The following NINL variants were observed in gnomAD, a reference collection of about 807,000 sequenced individuals.
The protein encoded by NINL is ninein-like protein.
NINL carries 153 observed loss-of-function variants against 160.3 expected under a neutral mutation model. That is an observed-to-expected ratio of 0.95 (90% confidence interval 0.84 to 1.09). The LOEUF is 1.09. Among genes scored for constraint, NINL ranks in the 50% least tolerant of loss-of-function variants. NINL has a pLI of 0.00. For missense variants in NINL, 1,829 were observed against 1,764.0 expected (o/e 1.04, Z -0.66); for synonymous variants, 800 against 734.8 (o/e 1.09, Z -1.43).
intron 1 of NINL, among the ~76,000 whole-genome samples, chr20:25,532,955 C>T (rs954284117): frequency 2.0e-5 from 3 of 152,142 alleles, no homozygotes; most frequent in African/African-American, 7.2e-5. Flanking sequence ...GAAACCCTGG[C>T]CAGGAAGGCT....
chr20:25,551,345 G>T (rs1216531659), intron 1 of NINL, among the ~76,000 whole-genome samples: 2 of 151,556 alleles, frequency 1.3e-5, no homozygotes, highest in African/African-American at 4.9e-5. Flanking sequence ...ATTCCAGCCT[G>T]GGCAACAAGG....
chr20:25,532,287 C>T (rs1568948097), intron 1 of NINL, among the ~76,000 whole-genome samples: 4 of 152,186 alleles, frequency 2.6e-5, no homozygotes, highest in Admixed American at 1.3e-4. Context: ...TTCACGTTTT[C>T]GAGGCTGGGC....
At chr20:25,490,076 C>T in intron 11 of NINL, 91 bp from the exon 12 acceptor site, 1 of 1,183,172 alleles carries the variant, frequency 8.5e-7, no homozygotes. Flanking sequence ...TCTCATAGGA[C>T]TGGGCATCAG....
intron 21 of NINL, among the ~76,000 whole-genome samples, chr20:25,460,872 G>T (rs987552314): frequency 3.3e-5 from 5 of 152,292 alleles, no homozygotes; most frequent in Admixed American, 3.3e-4. Flanking sequence ...TTCCAAGTGT[G>T]CCCCGCACCT....
At chr20:25,491,638 G>C in intron 10 of NINL, 113 bp from the exon 11 acceptor site, 4 of 1,291,442 alleles carry the variant, frequency 3.1e-6, no homozygotes, top group Non-Finnish European at 4.2e-6. Flanking sequence ...CTCAGCACGT[G>C]CAGGGCCGCC....
Position 25,481,994 on chromosome 20 carries a change from C to T in NINL, c.1784G>A (p.Arg595Gln), listed in dbSNP as rs767236224. 48 of 1,597,812 alleles carry T rather than the reference C, an allele frequency of 3.0e-5. 2 individuals are homozygous for T. The highest frequency in any genetic ancestry group is 2.4e-4 in the South Asian group (22 of 90,988). The change falls in exon 14 of 24, where the codon CGG becomes CAG. Residue 595 changes from arginine (R) to glutamine (Q), a missense_variant. Transcript: ENST00000278886. Reference sequence around the variant, plus strand: ...TGCTGGGCCGAGTCCAGGGAGCTGCCGTCTGCGCCCATCCGGGCTCCATGA... The same window carrying T: ...TGCTGGGCCGAGTCCAGGGAGCTGCTGTCTGCGCCCATCCGGGCTCCATGA... Reference protein sequence around the residue: ...SPSWSPDGRRRQLPGLGPAGI... With the variant: ...SPSWSPDGRRQQLPGLGPAGI...
At chr20:25,510,518 C>G (rs1434704197) in intron 5 of NINL, among the ~76,000 whole-genome samples, 156 bp downstream of exon 5, 2 of 152,232 alleles carry the variant, frequency 1.3e-5, no homozygotes, top group African/African-American at 4.8e-5. Flanking sequence ...ATTCTGACCA[C>G]TCCTGCAGGA....
intron 23 of NINL, among the ~76,000 whole-genome samples, chr20:25,453,913 G>A (rs866989848): frequency 2.0e-5 from 3 of 152,088 alleles, no homozygotes; most frequent in Admixed American, 6.6e-5. Flanking sequence ...TTAGCTGGGC[G>A]TGGTGGCGGG....
chr20:25,498,472 G>A (rs1423612848), intron 8 of NINL, 126 bp from the exon 9 acceptor site: 11 of 1,216,154 alleles, frequency 9.0e-6, no homozygotes, highest in Non-Finnish European at 1.2e-5. Context: ...TGCCCCTCCT[G>A]TCTGCCAAGG....
In NINL at chr20:25,487,722, T is replaced by C. The variant is rs1825558721; in HGVS notation, c.1677+1522A>G. The stretch of plus-strand genomic sequence containing the variant: ...GACCTTAGAGATAAAGTAACTTTTC[T>C]GTATTGTTAATAATCGACCCAACTC... On this transcript the variant is annotated intron_variant, in intron 13 of 23. Transcript: ENST00000278886. 1.3e-5 allele frequency among the ~76,000 whole-genome samples: 2 copies of C among 152,286 alleles called. 1 individual carries two copies. Among genetic ancestry groups the C allele is most frequent in the Non-Finnish European group, 2.9e-5 (2 of 68,050 alleles).
intron 1 of NINL, among the ~76,000 whole-genome samples, chr20:25,584,624 C>T (rs2065207517): frequency 6.6e-6 from 1 of 152,318 alleles, no homozygotes; most frequent in East Asian, 1.9e-4. Flanking sequence ...AATCACTTGC[C>T]CTTCTCCAAG....
chr20:25,476,492 C>A lies in NINL; in HGVS notation c.2799G>T (p.Leu933=). The change falls in exon 17 of 24, where the codon CTG becomes CTT. Residue 933 remains leucine, a synonymous_variant. Coordinates refer to ENST00000278886, the MANE Select transcript of NINL (RefSeq NM_025176.6). ...GCAGCTCCCGGGCTCCAGGCTGCTCCAGCCCCGCTGCGCTCGCGCCGAAAG... is the reference window on the plus strand; with the variant it reads ...GCAGCTCCCGGGCTCCAGGCTGCTCAAGCCCCGCTGCGCTCGCGCCGAAAG... ...PEPFGASAAG[L]EQPGARELPL... The A allele has an allele frequency of 1.2e-6, 2 of 1,604,756 alleles. No homozygotes were observed. The highest frequency in any genetic ancestry group is 1.7e-6 in the Non-Finnish European group (2 of 1,179,854).
At chr20:25,582,242 A>G (rs113079635) in intron 1 of NINL, among the ~76,000 whole-genome samples, 11,257 of 152,260 alleles carry the variant, frequency 0.074, 475 homozygotes, top group Non-Finnish European at 0.1. Context: ...CGACAGAGCG[A>G]GACTCCATAT....
chr20:25,538,217 G>A (rs1039668081), intron 1 of NINL, among the ~76,000 whole-genome samples: 8 of 152,180 alleles, frequency 5.3e-5, no homozygotes, highest in South Asian at 2.1e-4. Flanking sequence ...TCCTGTGGTC[G>A]CCAGGTGAGG....
At chr20:25,503,704 G>A (rs764067242) in intron 7 of NINL, among the ~76,000 whole-genome samples, 1 of 152,258 alleles carries the variant, frequency 6.6e-6, no homozygotes. Flanking sequence ...GTGAGCCTGA[G>A]GCTTGGAGAA....
At chr20:25,580,292 C>A (rs1334807994) in intron 1 of NINL, among the ~76,000 whole-genome samples, 2 of 151,748 alleles carry the variant, frequency 1.3e-5, no homozygotes, top group African/African-American at 4.8e-5. Context: ...CAAGATTGCG[C>A]CATGGCACTC....
In NINL at chr20:25,453,789, G is replaced by A. The variant is rs142148314; in HGVS notation, c.3958-147C>T. On this transcript the variant is annotated intron_variant, in intron 23 of 23. Coordinates refer to ENST00000278886, the MANE Select transcript of NINL (RefSeq NM_025176.6). Reference sequence around the variant, plus strand: ...CCCAAGGCCGGGGGCAGTGGTTCACGCCTGTAATCCCAGCACTTTGGGAGG... The same window carrying A: ...CCCAAGGCCGGGGGCAGTGGTTCACACCTGTAATCCCAGCACTTTGGGAGG... 913 of 647,464 alleles carry A rather than the reference G, an allele frequency of 1.4e-3. 3 individuals carry two copies. The highest frequency in any genetic ancestry group is 0.01 in the Middle Eastern group (23 of 2,256). The allele number at this position is 647,464 out of a possible 1,614,324, so 40.1% of individuals were successfully genotyped here.
chr20:25,503,592 T>C (rs2063907848), intron 7 of NINL, among the ~76,000 whole-genome samples: 1 of 151,986 alleles, frequency 6.6e-6, no homozygotes, highest in Non-Finnish European at 1.5e-5. Context: ...GAGCACTGCC[T>C]TCTGTTGCAT....
chr20:25,457,488 G>C (rs2087998133), intron 22 of NINL, among the ~76,000 whole-genome samples: 1 of 152,250 alleles, frequency 6.6e-6, no homozygotes, highest in South Asian at 2.1e-4. Context: ...CGCTGTGTTA[G>C]TGTATTCTTC....
Sources: allele counts gnomAD v4.1 joint callset (sites outside exome capture counted in the v4.1 genomes callset), GRCh38; gene constraint gnomAD v4.1.1; transcripts MANE v1.5; gene names NCBI Gene and HGNC (gene_info 2026-07-23, HGNC 2026-07-21).